The following BCAS3 variants were observed in gnomAD, a reference collection of about 807,000 sequenced individuals.
BCAS3 encodes BCAS4/BCAS3 fusion.
A neutral mutation model predicts 116.1 loss-of-function variants in BCAS3; 53 were observed. The ratio of observed to expected loss-of-function variants is 0.46; its 90% CI spans 0.37 to 0.57. BCAS3 has a LOEUF of 0.57. Ranked by LOEUF, BCAS3 falls within the 20% of genes least tolerant of loss-of-function variation. BCAS3 has a pLI of 0.00. For synonymous variants in BCAS3, 391 were observed against 408.2 expected, an observed-to-expected ratio of 0.96 and a Z score of 0.51; for missense variants, 917 against 1,165.4, an observed-to-expected ratio of 0.79 and a Z score of 3.10.
intron 14 of BCAS3, among the ~76,000 whole-genome samples, chr17:60,989,592 A>G (rs1200948753): frequency 1.3e-5 from 2 of 152,120 alleles, no homozygotes; most frequent in African/African-American, 4.8e-5. Context: ...TTTACATCCT[A>G]CAAGGCCATA....
chr17:61,097,508 C>T lies in BCAS3; in HGVS notation c.2425+12944C>T, dbSNP rs569781382. 1.3e-4 allele frequency among the ~76,000 whole-genome samples: 20 copies of T among 152,236 alleles called. No homozygotes were observed. Among genetic ancestry groups the T allele is most frequent in the African/African-American group, 4.3e-4 (18 of 41,564 alleles). ...GTTTATATTTAAGTGATGGTTTGGA[C>T]TTTTGATAAAAAGAGAAATTGGAAA... On this transcript the variant is annotated intron_variant, in intron 22 of 23. Transcript: ENST00000407086. This position sits in a 1 kb window ranked among gnomAD's most constrained non-coding sequence, Gnocchi z 4.0.
intron 12 of BCAS3, among the ~76,000 whole-genome samples, chr17:60,914,112 C>A (rs1237837280): frequency 6.6e-6 from 1 of 152,040 alleles, no homozygotes; most frequent in Non-Finnish European, 1.5e-5. Context: ...AAGGCTTATC[C>A]ACCTTGTATC....
Position 61,073,712 on chromosome 17 carries a change from A to G in BCAS3, c.2030-1208A>G, listed in dbSNP as rs1332057074. Among the ~76,000 whole-genome samples, 1 of 152,110 alleles carries G rather than the reference A, an allele frequency of 6.6e-6. No individual in the cohort carries two copies. Among genetic ancestry groups the G allele is most frequent in the East Asian group, 1.9e-4 (1 of 5,202 alleles). On this transcript the variant is annotated intron_variant, in intron 19 of 23. Transcript: ENST00000407086. This position sits in a 1 kb window ranked among gnomAD's most constrained non-coding sequence, Gnocchi z 4.6. ...CTTCTCATTCTTTTCTATTTCTTCCACACTTCTTTAATGATCATCTCTTAC... is the reference window on the plus strand; with the variant it reads ...CTTCTCATTCTTTTCTATTTCTTCCGCACTTCTTTAATGATCATCTCTTAC...
rs2081586893 is a variant in BCAS3 at position 61,213,380 on chromosome 17, G to A, written c.2425+128816G>A. On this transcript the variant is annotated intron_variant, in intron 22 of 23. Coordinates refer to ENST00000407086, the MANE Select transcript of BCAS3 (RefSeq NM_017679.5). This position sits in a 1 kb window ranked among gnomAD's most constrained non-coding sequence, Gnocchi z 5.4. ...AAACGGGGTTTCACCAGCTTGGCCA[G>A]GCTGGTCTTGAACTCCTGACCTCGT... 6.6e-6 allele frequency among the ~76,000 whole-genome samples: 1 copy of A among 151,986 alleles called. No homozygotes were observed. The highest frequency in any genetic ancestry group is 6.6e-5 in the Admixed American group (1 of 15,250).
At chr17:60,929,500 T>C (rs181415182) in intron 13 of BCAS3, among the ~76,000 whole-genome samples, 27 of 152,296 alleles carry the variant, frequency 1.8e-4, no homozygotes, top group Non-Finnish European at 3.5e-4. Flanking sequence ...TGTTAGCTTC[T>C]GAACTTTTAT....
chr17:60,951,839 G>A (rs1303634953), intron 14 of BCAS3, among the ~76,000 whole-genome samples: 1 of 147,306 alleles, frequency 6.8e-6, no homozygotes, highest in Non-Finnish European at 1.5e-5. Context: ...GCACAATCGC[G>A]GCTCACTGCA....
At chr17:61,072,495 T>G (rs1291207330) in intron 19 of BCAS3, among the ~76,000 whole-genome samples, 2 of 152,092 alleles carry the variant, frequency 1.3e-5, no homozygotes, top group Non-Finnish European at 2.9e-5. Flanking sequence ...AACCACCCAG[T>G]AAATACTTAT....
At chr17:61,314,653 C>A (rs752485200) in intron 22 of BCAS3, among the ~76,000 whole-genome samples, 23 of 152,190 alleles carry the variant, frequency 1.5e-4, no homozygotes, top group Non-Finnish European at 2.8e-4. Context: ...GCTTGCCAAG[C>A]CTGAAATAGT....
In BCAS3 at chr17:61,196,585, C is replaced by T. The variant is rs936204797; in HGVS notation, c.2425+112021C>T. Among the ~76,000 whole-genome samples, 1 of 152,184 alleles carries T rather than the reference C, an allele frequency of 6.6e-6. No individual in the cohort carries two copies. Among genetic ancestry groups the T allele is most frequent in the African/African-American group, 2.4e-5 (1 of 41,448 alleles). ...TCCCCTTCCAGATGGGGAGGTTAGA[C>T]TGGGGCTAGCCAGACTGCTCCACAT... is the stretch of plus-strand genomic sequence containing the variant. On this transcript the variant is annotated intron_variant, in intron 22 of 23. Coordinates refer to ENST00000407086, the MANE Select transcript of BCAS3 (RefSeq NM_017679.5). This position sits in a 1 kb window ranked among gnomAD's most constrained non-coding sequence, Gnocchi z 4.7.
At chr17:61,194,455 C>T (rs1468628227) in intron 22 of BCAS3, among the ~76,000 whole-genome samples, 1 of 151,922 alleles carries the variant, frequency 6.6e-6, no homozygotes, top group Non-Finnish European at 1.5e-5. Flanking sequence ...GATATACTAA[C>T]TAAGCCGGGC....
intron 7 of BCAS3, among the ~76,000 whole-genome samples, chr17:60,827,624 T>C (rs1196873327): frequency 6.6e-6 from 1 of 152,188 alleles, no homozygotes. Flanking sequence ...AGTGTACAGT[T>C]TGATAAATTT....
chr17:61,060,407 T>C (rs2069883018), intron 19 of BCAS3, among the ~76,000 whole-genome samples: 1 of 151,980 alleles, frequency 6.6e-6, no homozygotes, highest in African/African-American at 2.4e-5. Flanking sequence ...AGTGCTGGGA[T>C]TACAGGCGCG....
At chr17:61,266,665 A>G (rs765044104) in intron 22 of BCAS3, among the ~76,000 whole-genome samples, 6 of 152,206 alleles carry the variant, frequency 3.9e-5, no homozygotes, top group Non-Finnish European at 7.3e-5. Flanking sequence ...ATATTTAGGA[A>G]ATCTTTAAAA....
At chr17:61,298,308 C>T (rs2053120098) in intron 22 of BCAS3, among the ~76,000 whole-genome samples, 1 of 152,110 alleles carries the variant, frequency 6.6e-6, no homozygotes, top group African/African-American at 2.4e-5. Flanking sequence ...CACTACAGCC[C>T]TTAACTCATT....
At chr17:61,165,850 T>C (rs2144087757) in intron 22 of BCAS3, among the ~76,000 whole-genome samples, 1 of 152,274 alleles carries the variant, frequency 6.6e-6, no homozygotes, top group African/African-American at 2.4e-5. Flanking sequence ...TTGAAAGAAC[T>C]CAAAGAGGCA....
chr17:61,029,114 A>AG lies in BCAS3; in HGVS notation c.1638-5549dup, dbSNP rs1041448864. Among the ~76,000 whole-genome samples the AG allele has an allele frequency of 2.2e-4, 33 of 152,072 alleles. No individual in the cohort carries two copies. The highest frequency in any genetic ancestry group is 7.7e-4 in the African/African-American group (32 of 41,550). ...ATATGTTTTTAGTATATCCAGTTAT[A>AG]GGGTAATATATGTATTTTGGATGAA... On this transcript the variant is annotated intron_variant, in intron 16 of 23. Coordinates refer to ENST00000407086, the MANE Select transcript of BCAS3 (RefSeq NM_017679.5). The surrounding 1 kb of genome is among the most constrained non-coding windows in gnomAD (Gnocchi z 5.2).
In BCAS3 at chr17:61,348,791, C is replaced by T. The variant is rs1270593966; in HGVS notation, c.2426-19536C>T. Among the ~76,000 whole-genome samples, 4 of 134,792 alleles carry T rather than the reference C, an allele frequency of 3.0e-5. No homozygotes were observed. The highest frequency in any genetic ancestry group is 1.7e-4 in the Admixed American group (2 of 11,898). 88.4% of individuals were successfully genotyped at this position (134,792 alleles called of 152,430 possible). A position where few individuals can be genotyped will look rare whatever the true frequency, so the allele number is the denominator to read the frequency against. On this transcript the variant is annotated intron_variant, in intron 22 of 23. Transcript: ENST00000407086. The surrounding 1 kb of genome is among the most constrained non-coding windows in gnomAD (Gnocchi z 4.5). ...TTTTTGAAACAGAGTCTCACTCTGT[C>T]GCCGAGGCTGGAGTGCAGTGGCATG...
intron 6 of BCAS3, among the ~76,000 whole-genome samples, chr17:60,791,065 G>T (rs2046729777): frequency 6.6e-6 from 1 of 152,004 alleles, no homozygotes; most frequent in Non-Finnish European, 1.5e-5. Flanking sequence ...TCTTTTAGAG[G>T]TGAAGATCTT....
At chr17:61,175,769 T>G (rs2079096323) in intron 22 of BCAS3, among the ~76,000 whole-genome samples, 1 of 152,128 alleles carries the variant, frequency 6.6e-6, no homozygotes. Context: ...GATAAAGGAC[T>G]TGTATCCAGA....
Sources: allele counts gnomAD v4.1 joint callset (sites outside exome capture counted in the v4.1 genomes callset), GRCh38; gene constraint gnomAD v4.1.1; non-coding constraint Gnocchi (gnomAD v3.1); transcripts MANE v1.5; gene names NCBI Gene and HGNC (gene_info 2026-07-23, HGNC 2026-07-21).